The following CDH12 variants were observed in gnomAD, a reference collection of about 807,000 sequenced individuals.
The protein encoded by CDH12 is cadherin-12.
In CDH12, 41 loss-of-function variants were observed where a neutral mutation model predicts 74.1. The observed-to-expected ratio is 0.55, with a 90% CI of 0.43 to 0.72. The LOEUF (loss-of-function observed/expected upper bound fraction) is 0.72. Among genes scored for constraint, CDH12 ranks in the 30% least tolerant of loss-of-function variants. The pLI is 0.00. For synonymous variants in CDH12, 399 were observed against 355.0 expected (o/e 1.12, Z -1.39); for missense variants, 945 against 977.2 (o/e 0.97, Z 0.44).
intron 5 of CDH12, among the ~76,000 whole-genome samples, chr5:22,003,449 TTTCA>T (rs1298163134): frequency 6.6e-6 from 1 of 150,562 alleles, no homozygotes; most frequent in African/African-American, 2.4e-5. Flanking sequence ...AGCCTAGCAC[TTTCA>T]TTCAATCATA....
At chr5:22,090,420 C>T (rs960192553) in intron 4 of CDH12, among the ~76,000 whole-genome samples, 1 of 148,336 alleles carries the variant, frequency 6.7e-6, no homozygotes, top group Non-Finnish European at 1.5e-5. Flanking sequence ...AATTTCAGAA[C>T]AAGATGTCTT....
At chr5:22,169,241 C>T (rs1317117699) in intron 4 of CDH12, among the ~76,000 whole-genome samples, 2 of 151,550 alleles carry the variant, frequency 1.3e-5, no homozygotes, top group Non-Finnish European at 2.9e-5. Context: ...TTTATATATG[C>T]ATATAAAGAG....
intron 1 of CDH12, among the ~76,000 whole-genome samples, chr5:22,616,088 T>C (rs2126833006): frequency 6.6e-6 from 1 of 152,252 alleles, no homozygotes; most frequent in Non-Finnish European, 1.5e-5. Context: ...TGCAATAATA[T>C]TCAGTGCACA....
In CDH12 at chr5:21,921,053, A is replaced by G. The variant is rs555274432; in HGVS notation, c.526+54038T>C. On this transcript the variant is annotated intron_variant, in intron 6 of 14. Coordinates refer to ENST00000382254, the MANE Select transcript of CDH12 (RefSeq NM_004061.5). Reference sequence around the variant, plus strand: ...CATACAGAAAAACCTTTTCCTCTAAAGCATTAAAATTGTCATCTCTCTTCT... The same window carrying G: ...CATACAGAAAAACCTTTTCCTCTAAGGCATTAAAATTGTCATCTCTCTTCT... 2.6e-5 allele frequency among the ~76,000 whole-genome samples: 4 copies of G among 152,334 alleles called. No individual in the cohort carries two copies. The South Asian group carries it at 8.3e-4, about 32-fold the overall frequency.
chr5:21,797,019 G>A (rs10040141), intron 10 of CDH12, among the ~76,000 whole-genome samples: 4,035 of 152,188 alleles, frequency 0.027, 151 homozygotes, highest in African/African-American at 0.084. Context: ...ATCAAAAGGC[G>A]AAGGCTAGAA....
chr5:22,371,932 C>T (rs1218508567), intron 3 of CDH12, among the ~76,000 whole-genome samples: 1 of 152,088 alleles, frequency 6.6e-6, no homozygotes, highest in Non-Finnish European at 1.5e-5. Context: ...GTTTGGAAAA[C>T]CTTTGGGAGA....
rs1301420201 is a variant in CDH12 at position 21,771,253 on chromosome 5, C to T, written c.1394-6154G>A. ...GTGACTGTGTTCTAAATTACAACTA[C>T]AATAACTTCTAGAATGGAATCTTAG... On this transcript the variant is annotated intron_variant, in intron 11 of 14. Coordinates refer to ENST00000382254, the MANE Select transcript of CDH12 (RefSeq NM_004061.5). Among the ~76,000 whole-genome samples the T allele has an allele frequency of 4.0e-5, 6 of 151,700 alleles. No homozygotes were observed. The South Asian group carries it at 8.3e-4, about 21-fold the overall frequency.
intron 1 of CDH12, among the ~76,000 whole-genome samples, chr5:22,838,651 C>CTGTGTGTGTG (rs369033220): frequency 1.6e-3 from 232 of 143,952 alleles, no homozygotes; most frequent in African/African-American, 2.2e-3. Flanking sequence ...GTGAGAGTGT[C>CTGTGTGTGTG]TGTGTGTGTG....
At chr5:22,304,466 C>T (rs1738022200) in intron 3 of CDH12, among the ~76,000 whole-genome samples, 1 of 152,106 alleles carries the variant, frequency 6.6e-6, no homozygotes, top group Non-Finnish European at 1.5e-5. Context: ...ATTTTCTTGG[C>T]ACAAATCCAA....
intron 2 of CDH12, among the ~76,000 whole-genome samples, chr5:22,489,400 T>C (rs1312626081): frequency 6.6e-6 from 1 of 151,920 alleles, no homozygotes; most frequent in Non-Finnish European, 1.5e-5. Flanking sequence ...GCAATCACTT[T>C]CACACCAACC....
intron 4 of CDH12, among the ~76,000 whole-genome samples, chr5:22,096,693 T>C (rs1003135213): frequency 4.6e-5 from 7 of 152,116 alleles, no homozygotes; most frequent in Admixed American, 3.9e-4. Flanking sequence ...TTTTTCTTTA[T>C]CCTACCTCTC....
chr5:22,614,861 C>T (rs768763435), intron 1 of CDH12, among the ~76,000 whole-genome samples: 67 of 152,042 alleles, frequency 4.4e-4, no homozygotes, highest in Non-Finnish European at 8.2e-4. Flanking sequence ...ATAGACCATT[C>T]ACACTGTCGT....
intron 1 of CDH12, among the ~76,000 whole-genome samples, 159 bp downstream of exon 1, chr5:22,852,899 G>A (rs961446491): frequency 1.3e-5 from 2 of 152,158 alleles, no homozygotes; most frequent in Admixed American, 1.3e-4. Context: ...GCAAAACCAC[G>A]CACAAGCTCC....
intron 12 of CDH12, among the ~76,000 whole-genome samples, chr5:21,762,477 C>G (rs546557177): frequency 8.3e-4 from 126 of 152,094 alleles, no homozygotes; most frequent in African/African-American, 2.7e-3. Flanking sequence ...AATGGCAGGG[C>G]TCAAAAACAG....
At chr5:22,012,254 C>T (rs1737341494) in intron 5 of CDH12, among the ~76,000 whole-genome samples, 1 of 149,254 alleles carries the variant, frequency 6.7e-6, no homozygotes, top group South Asian at 2.1e-4. Flanking sequence ...TTTTAAACAT[C>T]AAAAGAAAAA....
At chr5:21,881,147 A>C (rs369425371) in intron 6 of CDH12, among the ~76,000 whole-genome samples, 7 of 152,166 alleles carry the variant, frequency 4.6e-5, no homozygotes, top group Admixed American at 1.3e-4. Context: ...ATGAAAAAAA[A>C]CTGCTGAAAT....
chr5:22,409,583 C>T (rs1743095278), intron 2 of CDH12, among the ~76,000 whole-genome samples: 1 of 151,970 alleles, frequency 6.6e-6, no homozygotes, highest in Non-Finnish European at 1.5e-5. Context: ...TGACAAAAAT[C>T]CATGTTAACA....
At chr5:22,182,102 A>T (rs976046665) in intron 4 of CDH12, among the ~76,000 whole-genome samples, 9 of 152,010 alleles carry the variant, frequency 5.9e-5, no homozygotes, top group African/African-American at 2.2e-4. Flanking sequence ...GACTAGGTTT[A>T]TAGTTTTTAC....
At chr5:22,640,222 C>T (rs1376961545) in intron 1 of CDH12, among the ~76,000 whole-genome samples, 3 of 152,096 alleles carry the variant, frequency 2.0e-5, no homozygotes, top group Admixed American at 6.5e-5. Flanking sequence ...CTTTTGCTCA[C>T]CTTCATTGAG....
Sources: gnomAD v4.1 joint callset for allele counts (sites outside exome capture counted in the v4.1 genomes callset) on GRCh38, gnomAD v4.1.1 for gene constraint, MANE v1.5 for transcripts, NCBI Gene and HGNC (gene_info 2026-07-23, HGNC 2026-07-21) for gene names.